SLC39A11: variants seen among roughly 807,000 people sequenced by gnomAD.
SLC39A11 encodes solute carrier family 39 member 11, also known as zinc transporter ZIP11.
A neutral mutation model predicts 36.1 loss-of-function variants in SLC39A11; 33 were observed. That is an observed-to-expected ratio of 0.91 (90% CI 0.69 to 1.22). SLC39A11 has a LOEUF of 1.22. SLC39A11 is among the 50% of genes most tolerant of loss of function. SLC39A11 has a pLI of 0.00. For synonymous variants in SLC39A11, 166 were observed against 170.3 expected (o/e 0.97, Z 0.20); for missense variants, 432 against 430.3 (o/e 1.00, Z -0.03).
At chr17:72,941,629 AC>A (rs1435239326) in intron 5 of SLC39A11, among the ~76,000 whole-genome samples, 1 of 151,284 alleles carries the variant, frequency 6.6e-6, no homozygotes, top group Non-Finnish European at 1.5e-5. Flanking sequence ...CAAATAGAAC[AC>A]TCTTCAGAAG....
At chr17:72,771,293 G>C (rs983825165) in intron 6 of SLC39A11, among the ~76,000 whole-genome samples, 4 of 151,336 alleles carry the variant, frequency 2.6e-5, no homozygotes, top group Non-Finnish European at 5.9e-5. Flanking sequence ...TGAGGTTGCA[G>C]TGAGCCGAGA....
At position 73,037,145 on chromosome 17, in the gene SLC39A11, T is replaced by C. The variant is rs145354383; in HGVS notation, c.148-5431A>G. 4.6e-3 allele frequency among the ~76,000 whole-genome samples: 706 copies of C among 152,330 alleles called. 4 individuals carry two copies. Among genetic ancestry groups the C allele is most frequent in the African/African-American group, 0.016 (675 of 41,576 alleles). ...GTTCACCTATTGAAGGACTTTTTGG[T>C]TGCTTCTGAGTTTTGTCGATTATGA... On this transcript the variant is annotated intron_variant, in intron 3 of 9. Coordinates refer to ENST00000255559, the MANE Select transcript of SLC39A11 (RefSeq NM_139177.4).
chr17:73,048,127 T>C (rs2143801363), intron 3 of SLC39A11, among the ~76,000 whole-genome samples: 1 of 151,416 alleles, frequency 6.6e-6, no homozygotes, highest in East Asian at 1.9e-4. Flanking sequence ...TACATGGGTA[T>C]ACTGCACCCA....
chr17:72,927,028 C>T (rs987829881), intron 5 of SLC39A11, among the ~76,000 whole-genome samples: 10 of 152,070 alleles, frequency 6.6e-5, no homozygotes, highest in Non-Finnish European at 1.3e-4. Context: ...TGACAATGTC[C>T]GGTTGCCCAG....
chr17:72,972,713 C>T (rs2087546366), intron 4 of SLC39A11, among the ~76,000 whole-genome samples: 1 of 152,058 alleles, frequency 6.6e-6, no homozygotes, highest in Non-Finnish European at 1.5e-5. Flanking sequence ...GGATCTCTTC[C>T]CAGACTGTAG....
At chr17:72,715,897 A>C (rs2073340945) in intron 7 of SLC39A11, among the ~76,000 whole-genome samples, 1 of 152,022 alleles carries the variant, frequency 6.6e-6, no homozygotes, top group Non-Finnish European at 1.5e-5. Flanking sequence ...TGGTTTCACC[A>C]TGTTGGCCAG....
intron 3 of SLC39A11, among the ~76,000 whole-genome samples, chr17:73,052,094 A>G (rs2059524008): frequency 1.3e-5 from 2 of 151,642 alleles, no homozygotes; most frequent in South Asian, 4.2e-4. Flanking sequence ...CATGTTGGCT[A>G]TTTCTAATAC....
intron 4 of SLC39A11, among the ~76,000 whole-genome samples, chr17:72,954,134 C>A (rs550738784): frequency 4.0e-4 from 61 of 152,264 alleles, no homozygotes; most frequent in Non-Finnish European, 5.0e-4. Flanking sequence ...GCAACCTCTG[C>A]CTCCCTAATT....
In SLC39A11 at chr17:73,027,554, C is replaced by T. The variant is rs367725678; in HGVS notation, c.306+4002G>A. Among the ~76,000 whole-genome samples, 43 of 152,346 alleles carry T rather than the reference C, an allele frequency of 2.8e-4. 1 individual carries two copies. In the Middle Eastern group the frequency reaches 0.02, roughly 72 times the overall value. On this transcript the variant is annotated intron_variant, in intron 4 of 9. Coordinates refer to ENST00000255559, the MANE Select transcript of SLC39A11 (RefSeq NM_139177.4). ...GCATCTGAAGTTAACAAAGCCACAA[C>T]GGCTTCATCCTGACAGGCTCTTCTG... is the stretch of plus-strand genomic sequence containing the variant.
intron 4 of SLC39A11, among the ~76,000 whole-genome samples, chr17:72,951,613 G>A (rs1598559667): frequency 6.6e-6 from 1 of 152,148 alleles, no homozygotes; most frequent in East Asian, 1.9e-4. Flanking sequence ...AAGAGTGTCA[G>A]GTAGTGATAA....
At chr17:72,913,444 T>A (rs2083140949) in intron 5 of SLC39A11, among the ~76,000 whole-genome samples, 1 of 152,076 alleles carries the variant, frequency 6.6e-6, no homozygotes, top group African/African-American at 2.4e-5. Context: ...AAAATCAAGA[T>A]ACATTTTTGG....
At chr17:72,751,227 G>A (rs6501563) in intron 6 of SLC39A11, among the ~76,000 whole-genome samples, 54,767 of 151,964 alleles carry the variant, frequency 0.36, 11,999 homozygotes, top group Non-Finnish European at 0.49. Flanking sequence ...CAGCCTGGGC[G>A]ACAGAGTGAG....
chr17:73,013,905 T>A (rs915348882), intron 4 of SLC39A11, among the ~76,000 whole-genome samples: 1 of 152,078 alleles, frequency 6.6e-6, no homozygotes, highest in Non-Finnish European at 1.5e-5. Flanking sequence ...AAATCAGGAA[T>A]CTGAGACGCA....
intron 4 of SLC39A11, among the ~76,000 whole-genome samples, chr17:72,953,419 A>G (rs2086009807): frequency 6.6e-6 from 1 of 152,188 alleles, no homozygotes; most frequent in Admixed American, 6.5e-5. Flanking sequence ...CAGCTCTGCA[A>G]CTTGCCTTAC....
intron 6 of SLC39A11, chr17:72,823,794 C>T (rs2145595713): frequency 6.6e-6 from 1 of 151,558 alleles, no homozygotes; most frequent in East Asian, 1.9e-4. Flanking sequence ...TCTTGCCACA[C>T]TGGTGCTATG....
At chr17:72,796,403 C>T (rs1466305893) in intron 6 of SLC39A11, among the ~76,000 whole-genome samples, 2 of 152,104 alleles carry the variant, frequency 1.3e-5, no homozygotes, top group East Asian at 3.9e-4. Flanking sequence ...AGAAGGAGGG[C>T]TTTTTGCTGC....
chr17:72,663,438 C>A (rs1051106215), intron 7 of SLC39A11, among the ~76,000 whole-genome samples: 2 of 152,218 alleles, frequency 1.3e-5, no homozygotes, highest in African/African-American at 4.8e-5. Context: ...AAACCCACAT[C>A]CCGATCAAGA....
At chr17:72,936,411 T>TAAAAAAAAAAAAAAAAAAAA (rs746428868) in intron 5 of SLC39A11, among the ~76,000 whole-genome samples, 1 of 73,448 alleles carries the variant, frequency 1.4e-5, no homozygotes, top group African/African-American at 5.0e-5. Flanking sequence ...TGAAAAAAAG[T>TAAAAAAAAAAAAAAAAAAAA]AAAAAAAAAA....
At chr17:72,867,651 G>A (rs1229774808) in intron 5 of SLC39A11, among the ~76,000 whole-genome samples, 1 of 151,934 alleles carries the variant, frequency 6.6e-6, no homozygotes, top group Non-Finnish European at 1.5e-5. Flanking sequence ...GAAAATGCAT[G>A]GTAAATAAAA....
Sources: allele counts gnomAD v4.1 joint callset (sites outside exome capture counted in the v4.1 genomes callset), GRCh38; gene constraint gnomAD v4.1.1; transcripts MANE v1.5; gene names NCBI Gene and HGNC (gene_info 2026-07-23, HGNC 2026-07-21).